ERMP1: variants seen among roughly 807,000 people sequenced by gnomAD.
ERMP1 encodes the protein Felix-ina.
Under a neutral mutation model 92.0 loss-of-function variants are expected in ERMP1, and 86 were observed. The observed-to-expected ratio is 0.93, with a 90% CI of 0.79 to 1.12. The LOEUF (loss-of-function observed/expected upper bound fraction) is 1.12. Ranked by LOEUF, ERMP1 falls within the 50% of genes most tolerant of loss-of-function variation. The pLI, the probability that ERMP1 is intolerant of heterozygous loss-of-function variation, is 0.00. For synonymous variants in ERMP1, 530 were observed against 412.8 expected (o/e 1.28, Z -3.44); for missense variants, 1,342 against 1,116.3 (o/e 1.20, Z -2.88).
chr9:5,816,215 A>C (rs1829299511), intron 4 of ERMP1, among the ~76,000 whole-genome samples: 1 of 152,184 alleles, frequency 6.6e-6, no homozygotes, highest in African/African-American at 2.4e-5. Flanking sequence ...CTGGGTAGGA[A>C]CCCAGATTTT....
At position 5,805,110 on chromosome 9, in the gene ERMP1, C is replaced by A; in HGVS notation, c.1831G>T (p.Gly611Trp). The change falls in exon 10 of 15, where the codon GGG becomes TGG. Residue 611 changes from glycine to tryptophan, a missense_variant. Transcript: ENST00000339450. ...GGTGGGATTTCAGAACCACTTCTCC[C>A]GAGGATAGGGGTAAACATCTCAAAT... Reference protein sequence around the residue: ...AVFEMFTPILGRSGSEIPPDV... With the variant: ...AVFEMFTPILWRSGSEIPPDV... The A allele has an allele frequency of 6.2e-7, 1 of 1,613,432 alleles. No individual in the cohort carries two copies. The highest frequency in any genetic ancestry group is 8.5e-7 in the Non-Finnish European group (1 of 1,179,854).
intron 4 of ERMP1, among the ~76,000 whole-genome samples, chr9:5,813,999 G>C (rs1403051604): frequency 6.6e-6 from 1 of 151,692 alleles, no homozygotes; most frequent in Non-Finnish European, 1.5e-5. Context: ...TGCCTGCCTG[G>C]GGAATGAGTA....
intron 11 of ERMP1, among the ~76,000 whole-genome samples, chr9:5,799,978 T>C (rs1324759951): frequency 6.6e-6 from 1 of 152,188 alleles, no homozygotes; most frequent in Non-Finnish European, 1.5e-5. Flanking sequence ...CAAGGAATTG[T>C]TATTTGGCCC....
chr9:5,791,150 G>C, intron 13 of ERMP1: 2 of 449,760 alleles, frequency 4.4e-6, no homozygotes, highest in Admixed American at 4.7e-5. Flanking sequence ...GCATTCTCCA[G>C]GGAAACCAAC....
chr9:5,817,904 T>C (rs1488040307), intron 4 of ERMP1, among the ~76,000 whole-genome samples: 1 of 152,064 alleles, frequency 6.6e-6, no homozygotes, highest in Non-Finnish European at 1.5e-5. Context: ...TGGTAAATAT[T>C]ATGATGGAAG....
At chr9:5,796,764 G>C (rs1828440738) in intron 13 of ERMP1, among the ~76,000 whole-genome samples, 1 of 152,176 alleles carries the variant, frequency 6.6e-6, no homozygotes, top group African/African-American at 2.4e-5. Context: ...GGCATTTCTA[G>C]ATGGTAAATC....
At chr9:5,825,471 T>TA (rs1163256434) in intron 2 of ERMP1, among the ~76,000 whole-genome samples, 3 of 152,168 alleles carry the variant, frequency 2.0e-5, no homozygotes, top group Non-Finnish European at 4.4e-5. Context: ...AGTCACTCAA[T>TA]TAGTGTCTGC....
chr9:5,858,853 G>A (rs116701100), intron 6 of ERMP1, among the ~76,000 whole-genome samples: 2,413 of 152,292 alleles, frequency 0.016, 66 homozygotes, highest in African/African-American at 0.055. Context: ...TGGGAACATA[G>A]CATAACCTAA....
chr9:5,805,536 A>T lies in ERMP1; in HGVS notation c.1723+75T>A, dbSNP rs113293894. 9.4e-5 allele frequency: 129 copies of T among 1,365,082 alleles called. No individual in the cohort carries two copies. In the African/African-American group the frequency reaches 1.6e-3, roughly 17 times the overall value. The allele number at this position is 1,365,082 out of a possible 1,614,324, so 84.6% of individuals were successfully genotyped here. A position where few individuals can be genotyped will look rare whatever the true frequency, so the allele number is the denominator to read the frequency against. ...TAGAAAGCCTACCCAATAAAACCAA[A>T]AAAGAAAGAGTCCCTGAAAGCCTTA... On this transcript the variant is annotated intron_variant, in intron 9 of 14. Coordinates refer to ENST00000339450, the MANE Select transcript of ERMP1 (RefSeq NM_024896.3).
chr9:5,805,546 G>A, intron 9 of ERMP1, 65 bp downstream of exon 9: 1 of 1,385,094 alleles, frequency 7.2e-7, no homozygotes, highest in Non-Finnish European at 9.6e-7. Flanking sequence ...AAAAGAAAGA[G>A]TCCCTGAAAG....
chr9:5,856,867 T>C (rs1424951006), intron 6 of ERMP1, among the ~76,000 whole-genome samples: 7 of 152,214 alleles, frequency 4.6e-5, no homozygotes, highest in Non-Finnish European at 1.0e-4. Flanking sequence ...ACAAAACGTA[T>C]ACATGGAATT....
chr9:5,834,392 C>T (rs1377299089), upstream of ERMP1, among the ~76,000 whole-genome samples: 1 of 152,218 alleles, frequency 6.6e-6, no homozygotes, highest in Non-Finnish European at 1.5e-5. Context: ...TATTTCATAA[C>T]TTCCTCATTA....
intron 6 of ERMP1, among the ~76,000 whole-genome samples, chr9:5,811,843 T>A (rs1017611922): frequency 2.0e-5 from 3 of 152,204 alleles, no homozygotes; most frequent in Admixed American, 6.5e-5. Flanking sequence ...CAGGAAAACA[T>A]CATGGGAGAC....
At chr9:5,810,514 A>G (rs1411441206) in intron 7 of ERMP1, among the ~76,000 whole-genome samples, 4 of 152,242 alleles carry the variant, frequency 2.6e-5, no homozygotes, top group Non-Finnish European at 5.9e-5. Context: ...GGAAGAGGAT[A>G]GTCTTAATCT....
chr9:5,851,400 G>T (rs949295228), intron 6 of ERMP1, among the ~76,000 whole-genome samples: 7 of 152,050 alleles, frequency 4.6e-5, no homozygotes, highest in Non-Finnish European at 7.4e-5. Flanking sequence ...ACTATTTAAA[G>T]ACTTTTCATC....
chr9:5,831,883 A>G (rs1298346573), intron 1 of ERMP1, among the ~76,000 whole-genome samples: 1 of 152,158 alleles, frequency 6.6e-6, no homozygotes, highest in East Asian at 1.9e-4. Flanking sequence ...ACTGCATTCC[A>G]AGTGGGGAAA....
intron 4 of ERMP1, among the ~76,000 whole-genome samples, chr9:5,823,528 G>A (rs143691251): frequency 1.4e-3 from 213 of 152,222 alleles, no homozygotes; most frequent in African/African-American, 5.0e-3. Context: ...GACTGTCTAG[G>A]TTCAAATCAC....
chr9:5,843,459 A>G (rs1019926317), intron 6 of ERMP1, among the ~76,000 whole-genome samples: 3 of 152,208 alleles, frequency 2.0e-5, no homozygotes, highest in Non-Finnish European at 4.4e-5. Context: ...TTAAGCCCTC[A>G]AGGACATACT....
chr9:5,792,955 G>A (rs1008894764), intron 13 of ERMP1, among the ~76,000 whole-genome samples: 11 of 152,158 alleles, frequency 7.2e-5, no homozygotes, highest in Non-Finnish European at 4.4e-5. Context: ...GAGAGGGAAT[G>A]AGGTAAAATA....
Sources: allele counts gnomAD v4.1 joint callset (sites outside exome capture counted in the v4.1 genomes callset), GRCh38; gene constraint gnomAD v4.1.1; transcripts MANE v1.5; gene names NCBI Gene and HGNC (gene_info 2026-07-23, HGNC 2026-07-21).